The following ARB2A variants were observed in gnomAD, a reference collection of about 807,000 sequenced individuals.
ARB2A encodes the protein cotranscriptional regulator ARB2A.
the ARB2A span, among the ~76,000 whole-genome samples, chr5:93,634,174 G>A: frequency 1.2e-4 from 19 of 152,098 alleles, no homozygotes; most frequent in Admixed American, 6.5e-4. Context: ...AAGCTGAGGC[G>A]GGCGGATCAC....
chr5:93,698,197 A>G, the ARB2A span, among the ~76,000 whole-genome samples: 187 of 152,310 alleles, frequency 1.2e-3, no homozygotes, highest in East Asian at 7.5e-3. Flanking sequence ...TTTTCCTTGA[A>G]TAGTAATTTT....
At chr5:93,971,610 A>AAAT in the ARB2A span, among the ~76,000 whole-genome samples, 1 of 149,562 alleles carries the variant, frequency 6.7e-6, no homozygotes, top group Non-Finnish European at 1.5e-5. Context: ...ATAAATAAAT[A>AAAT]AAACAAAAAT....
chr5:93,922,145 A>G, the ARB2A span, among the ~76,000 whole-genome samples: 1 of 152,210 alleles, frequency 6.6e-6, no homozygotes, highest in Non-Finnish European at 1.5e-5. Context: ...CATCATTGTT[A>G]CAGAAAAAGC....
the ARB2A span, among the ~76,000 whole-genome samples, chr5:93,704,285 A>G: frequency 6.6e-6 from 1 of 152,204 alleles, no homozygotes; most frequent in African/African-American, 2.4e-5. Context: ...TATGTAGTGG[A>G]CTTGCAACAA....
the ARB2A span, among the ~76,000 whole-genome samples, chr5:93,901,984 C>A: frequency 3.3e-5 from 5 of 151,714 alleles, no homozygotes; most frequent in African/African-American, 4.8e-5. Context: ...TATATGTGAA[C>A]CTAGAACATA....
At chr5:93,692,304 T>C in the ARB2A span, among the ~76,000 whole-genome samples, 1 of 152,128 alleles carries the variant, frequency 6.6e-6, no homozygotes, top group African/African-American at 2.4e-5. Flanking sequence ...AAGTCACACA[T>C]AGGCTCAAAA....
At chr5:94,050,659 G>A in the ARB2A span, 51 of 1,141,924 alleles carry the variant, frequency 4.5e-5, no homozygotes, top group East Asian at 1.5e-4. Context: ...ATAAACTGCT[G>A]CATCTTCAAA....
chr5:93,943,527 C>A, the ARB2A span, among the ~76,000 whole-genome samples: 1 of 152,104 alleles, frequency 6.6e-6, no homozygotes, highest in African/African-American at 2.4e-5. Flanking sequence ...GATGGCATTA[C>A]TCTTCTTAAA....
chr5:93,808,968 T>A, the ARB2A span, among the ~76,000 whole-genome samples: 1 of 152,048 alleles, frequency 6.6e-6, no homozygotes. Flanking sequence ...AAATATCTAT[T>A]AGTACATTTA....
chr5:94,074,641 T>C, the ARB2A span: 8 of 1,607,740 alleles, frequency 5.0e-6, no homozygotes, highest in South Asian at 1.1e-5. Flanking sequence ...AAATTAAGTA[T>C]GTACCTTTCA....
chr5:93,926,169 G>A, the ARB2A span, among the ~76,000 whole-genome samples: 9 of 145,926 alleles, frequency 6.2e-5, no homozygotes, highest in Non-Finnish European at 7.5e-5. Flanking sequence ...TGCTCTTGTT[G>A]CCCAGGCTGG....
At chr5:93,624,698 A>G in the ARB2A span, among the ~76,000 whole-genome samples, 2 of 152,188 alleles carry the variant, frequency 1.3e-5, no homozygotes, top group African/African-American at 2.4e-5. Flanking sequence ...TCGATGGTCA[A>G]GATGATTGGA....
At chr5:93,771,625 C>T in the ARB2A span, among the ~76,000 whole-genome samples, 1 of 152,142 alleles carries the variant, frequency 6.6e-6, no homozygotes, top group African/African-American at 2.4e-5. Context: ...AACAGACACA[C>T]CCATCAAAAA....
chr5:93,791,506 A>G, the ARB2A span, among the ~76,000 whole-genome samples: 1 of 152,230 alleles, frequency 6.6e-6, no homozygotes, highest in Non-Finnish European at 1.5e-5. Context: ...TTCAAAATTT[A>G]AGAGCAAGCC....
the ARB2A span, among the ~76,000 whole-genome samples, chr5:94,092,287 G>A: frequency 2.6e-5 from 4 of 152,104 alleles, no homozygotes; most frequent in African/African-American, 7.2e-5. Flanking sequence ...TCAAGGCTAC[G>A]GTGAGCTATG....
chr5:94,043,427 T>A, the ARB2A span, among the ~76,000 whole-genome samples: 4 of 152,220 alleles, frequency 2.6e-5, no homozygotes, highest in Non-Finnish European at 5.9e-5. Context: ...TGGAAACTAG[T>A]TCTGAGTATT....
the ARB2A span, among the ~76,000 whole-genome samples, chr5:94,076,400 T>C: frequency 1.3e-5 from 2 of 152,188 alleles, no homozygotes; most frequent in African/African-American, 2.4e-5. Flanking sequence ...AAAATGTGTC[T>C]ATATCCCTTC....
the ARB2A span, among the ~76,000 whole-genome samples, chr5:93,890,389 T>C: frequency 0.039 from 5,854 of 151,744 alleles, 172 homozygotes; most frequent in East Asian, 0.14. Context: ...AGAATTACTT[T>C]CATGTGCACT....
chr5:93,864,417 A>G, the ARB2A span, among the ~76,000 whole-genome samples: 3 of 152,182 alleles, frequency 2.0e-5, no homozygotes, highest in Non-Finnish European at 2.9e-5. Flanking sequence ...AACTAAAAGT[A>G]AAGGCAAAAC....
Sources: gnomAD v4.1 joint callset for allele counts (sites outside exome capture counted in the v4.1 genomes callset) on GRCh38, gnomAD v4.1.1 for gene constraint, MANE v1.5 for transcripts, NCBI Gene and HGNC (gene_info 2026-07-23, HGNC 2026-07-21) for gene names.